Variants in PDCD5 observed in about 807,000 individuals in gnomAD.
PDCD5 encodes programmed cell death 5.
A neutral mutation model predicts 21.9 loss-of-function variants in PDCD5; 23 were observed. That is an observed-to-expected ratio of 1.05 (90% CI 0.76 to 1.49). The LOEUF is 1.49. PDCD5 is among the 40% of genes most tolerant of loss of function. PDCD5 has a pLI of 0.00. For synonymous variants in PDCD5, 45 were observed against 49.4 expected, an observed-to-expected ratio of 0.91 and a Z score of 0.37; for missense variants, 152 against 147.7, an observed-to-expected ratio of 1.03 and a Z score of -0.15.
At chr19:32,586,031 A>T in intron 4 of PDCD5, 124 bp downstream of exon 4, 1 of 1,594,388 alleles carries the variant, frequency 6.3e-7, no homozygotes, top group South Asian at 1.1e-5. Flanking sequence ...AAATTGTTGG[A>T]GAGAATAGTC....
At position 32,582,231 on chromosome 19, in the gene PDCD5, A is replaced by G; in HGVS notation, c.103A>G (p.Arg35Gly). The change falls in exon 2 of 6, where the codon AGG becomes GGG. Residue 35 changes from arginine (R) to glycine (G), a missense_variant and splice_region_variant. Arg to Gly is a moderately radical substitution (Grantham distance 125, BLOSUM62 -2). Coordinates refer to ENST00000590247, the MANE Select transcript of PDCD5 (RefSeq NM_004708.4). ...GDAAQQEAKH[R>G]EAEMRNSILA... is the part of the protein sequence containing the mutation. ...TGCGGCCCAACAGGAAGCAAAGCAC[A>G]GGTATGGGCTGGAAACGTGAACTTT... The G allele has an allele frequency of 1.2e-6, 2 of 1,612,414 alleles. No homozygotes were observed. Among genetic ancestry groups the G allele is most frequent in the Non-Finnish European group, 1.7e-6 (2 of 1,178,606 alleles).
intron 4 of PDCD5, 128 bp downstream of exon 4, chr19:32,586,035 A>C: frequency 6.3e-7 from 1 of 1,590,664 alleles, no homozygotes. Context: ...TGTTGGAGAG[A>C]ATAGTCATAC....
intron 4 of PDCD5, chr19:32,586,294 A>C (rs1243976871): frequency 1.4e-6 from 2 of 1,383,718 alleles, no homozygotes; most frequent in African/African-American, 2.9e-5. Context: ...TGTTGCTGTA[A>C]TACCATGAGG....
intron 5 of PDCD5, 96 bp from the exon 6 acceptor site, chr19:32,587,157 C>A: frequency 9.5e-7 from 1 of 1,054,536 alleles, no homozygotes; most frequent in Non-Finnish European, 1.5e-6. Flanking sequence ...TTTAAAGACA[C>A]AAATGTCTTG....
At chr19:32,581,428 G>A (rs967441391) in intron 1 of PDCD5, 101 bp downstream of exon 1, 11 of 722,246 alleles carry the variant, frequency 1.5e-5, no homozygotes, top group Admixed American at 4.4e-5. Context: ...GCGCCTCCCC[G>A]GGGCCCCGGT....
At chr19:32,587,062 A>G (rs1027985681) in intron 5 of PDCD5, 133 bp downstream of exon 5, 1 of 903,784 alleles carries the variant, frequency 1.1e-6, no homozygotes, top group Non-Finnish European at 1.7e-6. Context: ...AAGTTTGGGG[A>G]GAAAGGCTGA....
chr19:32,582,341 A>G lies in PDCD5; in HGVS notation c.104+109A>G. The G allele has an allele frequency of 3.0e-6, 3 of 999,046 alleles. No homozygotes were observed. In the South Asian group the frequency reaches 4.2e-5, roughly 14 times the overall value. 61.9% of individuals were successfully genotyped at this position (999,046 alleles called of 1,614,324 possible). On this transcript the variant is annotated intron_variant, in intron 2 of 5. Coordinates refer to ENST00000590247, the MANE Select transcript of PDCD5 (RefSeq NM_004708.4). Reference sequence around the variant, plus strand: ...GACTCAGATTTTTTTGTTTTGCTGGAATGGTGATTTGGCCAAAATCATCCG... The same window carrying G: ...GACTCAGATTTTTTTGTTTTGCTGGGATGGTGATTTGGCCAAAATCATCCG...
At chr19:32,587,110 G>A in intron 5 of PDCD5, 143 bp from the exon 6 acceptor site, 1 of 794,266 alleles carries the variant, frequency 1.3e-6, no homozygotes, top group Non-Finnish European at 2.1e-6. Context: ...ATAGGCTCTT[G>A]ACTCCATTCC....
chr19:32,587,028 AT>A, intron 5 of PDCD5, 99 bp downstream of exon 5: 2 of 1,139,398 alleles, frequency 1.8e-6, no homozygotes, highest in Non-Finnish European at 2.5e-6. Flanking sequence ...GCCCAGAGAC[AT>A]TTTCCTTTTG....
At chr19:32,584,922 TTG>T (rs1278264005) in intron 2 of PDCD5, 26 bp from the exon 3 acceptor site, 25 of 1,589,462 alleles carry the variant, frequency 1.6e-5, no homozygotes, top group East Asian at 4.5e-5. Context: ...TGTGTTTTAA[TTG>T]TGTTTGACCT....
intron 4 of PDCD5, 161 bp from the exon 5 acceptor site, chr19:32,586,693 TAAAC>T: frequency 7.5e-7 from 1 of 1,325,178 alleles, no homozygotes; most frequent in Non-Finnish European, 9.7e-7. Context: ...ATTTGGAACT[TAAAC>T]CAATAGTTAT....
At chr19:32,585,788 T>C in intron 3 of PDCD5, 28 bp from the exon 4 acceptor site, 1 of 1,295,836 alleles carries the variant, frequency 7.7e-7, no homozygotes, top group Non-Finnish European at 1.1e-6. Flanking sequence ...TTTAATGGAT[T>C]TTTTGCATAT....
chr19:32,586,456 T>C (rs1939050164), intron 4 of PDCD5: 12 of 1,108,848 alleles, frequency 1.1e-5, no homozygotes, highest in Non-Finnish European at 1.3e-5. Flanking sequence ...CTGGTTGGGT[T>C]GATCTTTTCC....
chr19:32,584,465 C>G (rs538427757), intron 2 of PDCD5, among the ~76,000 whole-genome samples: 2 of 152,170 alleles, frequency 1.3e-5, no homozygotes, highest in Non-Finnish European at 2.9e-5. Flanking sequence ...CTTCCCCACC[C>G]AGAAAAATAG....
At chr19:32,585,501 A>T (rs1037462377) in intron 3 of PDCD5, among the ~76,000 whole-genome samples, 1 of 152,234 alleles carries the variant, frequency 6.6e-6, no homozygotes, top group African/African-American at 2.4e-5. Context: ...CAGGTGGATC[A>T]CCACCATTAT....
chr19:32,585,801 ATT>A lies in PDCD5; in HGVS notation c.167-10_167-9del. On this transcript the variant is annotated splice_polypyrimidine_tract_variant and intron_variant, in intron 3 of 5. Transcript: ENST00000590247. ...ATTTTAATGGATTTTTTGCATATGTATTTTTTCTTTTTAGTAAGTAACTTAGC... is the reference window on the plus strand; with the variant it reads ...ATTTTAATGGATTTTTTGCATATGTATTTTCTTTTTAGTAAGTAACTTAGC... 1 of 1,464,734 alleles carries A rather than the reference ATT, an allele frequency of 6.8e-7. No individual in the cohort carries two copies. The highest frequency in any genetic ancestry group is 9.6e-7 in the Non-Finnish European group (1 of 1,046,444). 90.7% of individuals were successfully genotyped at this position (1,464,734 alleles called of 1,614,324 possible).
rs55856305 is a variant in PDCD5, at chr19:32,586,382, G to C, written c.258+475G>C. 7.7e-4 allele frequency: 934 copies of C among 1,206,244 alleles called. 9 individuals carry two copies. In the African/African-American group the frequency reaches 0.013, roughly 17 times the overall value. 74.7% of individuals were successfully genotyped at this position (1,206,244 alleles called of 1,614,324 possible). ...TGAGAAGCCGTCTGCTACCACCACA[G>C]CCTACCCGAATTGGTCCTGTCCCCT... On this transcript the variant is annotated intron_variant, in intron 4 of 5. Coordinates refer to ENST00000590247, the MANE Select transcript of PDCD5 (RefSeq NM_004708.4).
Position 32,581,228 on chromosome 19 carries a change from G to A in PDCD5, c.-34G>A, listed in dbSNP as rs1201280927. On this transcript the variant is annotated 5_prime_UTR_variant, in exon 1 of 6. The change creates a new upstream start codon in the 5' untranslated region. Coordinates refer to ENST00000590247, the MANE Select transcript of PDCD5 (RefSeq NM_004708.4). ...GCGCTCGCGCCGAGGGGCTGCGAGA[G>A]TGACCGCGGCTGCTCCAGCGCTGAC... 8 of 1,459,064 alleles carry A rather than the reference G, an allele frequency of 5.5e-6. No homozygotes were observed. Among genetic ancestry groups the A allele is most frequent in the South Asian group, 1.3e-5 (1 of 76,000 alleles). 90.4% of individuals were successfully genotyped at this position (1,459,064 alleles called of 1,614,324 possible).
Position 32,581,209 on chromosome 19 carries a change from G to T in PDCD5, c.-53G>T, listed in dbSNP as rs1196590157. ...CTGCGCAGTGGTCAAGGCCGCGCTC[G>T]CGCCGAGGGGCTGCGAGAGTGACCG... On this transcript the variant is annotated 5_prime_UTR_variant, in exon 1 of 6. Coordinates refer to ENST00000590247, the MANE Select transcript of PDCD5 (RefSeq NM_004708.4). 6 of 1,356,986 alleles carry T rather than the reference G, an allele frequency of 4.4e-6. No homozygotes were observed. Among genetic ancestry groups the T allele is most frequent in the African/African-American group, 3.0e-5 (2 of 66,344 alleles). The allele number at this position is 1,356,986 out of a possible 1,614,324, so 84.1% of individuals were successfully genotyped here. A position where few individuals can be genotyped will look rare whatever the true frequency, so the allele number is the denominator to read the frequency against.
Sources: allele counts gnomAD v4.1 joint callset (sites outside exome capture counted in the v4.1 genomes callset), GRCh38; gene constraint gnomAD v4.1.1; transcripts MANE v1.5; gene names NCBI Gene and HGNC (gene_info 2026-07-23, HGNC 2026-07-21).